Variants in AGAP2 observed in about 807,000 individuals in gnomAD.
AGAP2 encodes arf-GAP with GTPase, ANK repeat and PH domain-containing protein 2.
Under a neutral mutation model 110.9 loss-of-function variants are expected in AGAP2, and 32 were observed. The observed-to-expected ratio is 0.29, with a 90% CI of 0.22 to 0.39. AGAP2 has a LOEUF of 0.39. Ranked by LOEUF, AGAP2 falls within the 10% of genes least tolerant of loss-of-function variation. The probability of loss-of-function intolerance (pLI) is 1.00; values close to 1 mark genes in which losing one functional copy is unlikely to be tolerated. For missense variants in AGAP2, 1,285 were observed against 1,638.5 expected (o/e 0.78, Z 3.72); for synonymous variants, 702 against 713.0 (o/e 0.98, Z 0.25).
chr12:57,730,651 C>T (rs776910269), intron 11 of AGAP2, 37 bp from the exon 12 acceptor site: 24 of 1,607,906 alleles, frequency 1.5e-5, no homozygotes, highest in Non-Finnish European at 3.4e-6. Flanking sequence ...GAGCCTCTTT[C>T]TTCTGGCCCC....
rs1175534694 is a variant in AGAP2, at chr12:57,725,708, CT to C, written c.*843del. ...GAGCACCCCCACCCCAACCCACCCC[CT>C]GCCCACCCTGGGCTTCCCCTACCCC... On this transcript the variant is annotated 3_prime_UTR_variant, in exon 19 of 19. Coordinates refer to ENST00000547588, the MANE Select transcript of AGAP2 (RefSeq NM_001122772.3). 6.7e-6 allele frequency: 1 copy of C among 149,834 alleles called. No homozygotes were observed. Among genetic ancestry groups the C allele is most frequent in the Non-Finnish European group, 1.5e-5 (1 of 67,240 alleles). 9.3% of individuals were successfully genotyped at this position (149,834 alleles called of 1,614,324 possible).
At position 57,738,040 on chromosome 12, in the gene AGAP2, G is replaced by A. The variant is rs1458310358; in HGVS notation, c.207C>T (p.Leu69=). 5 of 1,521,012 alleles carry A rather than the reference G, an allele frequency of 3.3e-6. No individual in the cohort carries two copies. The East Asian group carries it at 1.3e-4, about 39-fold the overall frequency. The allele number at this position is 1,521,012 out of a possible 1,614,324, so 94.2% of individuals were successfully genotyped here. A position where few individuals can be genotyped will look rare whatever the true frequency, so the allele number is the denominator to read the frequency against. The change falls in exon 1 of 19, where the codon CTC becomes CTT. Residue 69 remains leucine (L), a synonymous_variant. Transcript: ENST00000547588. The surrounding 1 kb of genome is among the most constrained non-coding windows in gnomAD (Gnocchi z 6.7). ...TCCACAGCGCATCCTGCCGGTGGAA[G>A]AGACGTTCGTGCCGCTTCTTGCCCG... is the stretch of plus-strand genomic sequence containing the variant. ...EEPGKKRHER[L]FHRQDALWIS...
At chr12:57,733,285 G>C (rs867335530) in intron 5 of AGAP2, among the ~76,000 whole-genome samples, 1 of 152,046 alleles carries the variant, frequency 6.6e-6, no homozygotes, top group Non-Finnish European at 1.5e-5. Flanking sequence ...ACCCAGGCGC[G>C]AGCGACAATC....
At chr12:57,731,082 A>G (rs1595086438) in intron 10 of AGAP2, 129 bp from the exon 11 acceptor site, 2 of 1,005,448 alleles carry the variant, frequency 2.0e-6, no homozygotes, top group South Asian at 3.4e-5. Context: ...TGTGATGAAC[A>G]TCTAGGGGAT....
Position 57,737,090 on chromosome 12 carries a change from C to T in AGAP2, c.1157G>A (p.Arg386His), listed in dbSNP as rs1387355883. 4 of 1,541,992 alleles carry T rather than the reference C, an allele frequency of 2.6e-6. No individual in the cohort carries two copies. The South Asian group carries it at 3.7e-5, about 14-fold the overall frequency. Residue 386 changes from arginine (R) to histidine (H), a missense_variant, in exon 1 of 19, where the codon CGC becomes CAC. Transcript: ENST00000547588. This position sits in a 1 kb window ranked among gnomAD's most constrained non-coding sequence, Gnocchi z 5.9. ...GSRELLGAELRASPKAVINSQ... is the reference protein window; with the variant it reads ...GSRELLGAELHASPKAVINSQ... ...CTGACTCAACTCACTAGGGGAAGCG[C>T]GGAGCTCGGCGCCCAGCAGCTCCCT...
In AGAP2 at chr12:57,727,741, C is replaced by A. The variant is rs1481670236; in HGVS notation, c.2797G>T (p.Ala933Ser). The change falls in exon 16 of 19, where the codon GCC (alanine) becomes TCC (serine). Residue 933 changes from alanine to serine, a missense_variant. By Grantham distance (99) the Ala-to-Ser change is moderately conservative. Transcript: ENST00000547588. ...LRTDSQSEAV[A>S]IQAIRNAKGN... is the part of the protein sequence containing the mutation. The stretch of plus-strand genomic sequence containing the variant: ...TTGGCGTTCCGGATCGCCTGGATGG[C>A]CACGGCCTCGCTTTGGCTGTCTGTG... 1 of 1,589,896 alleles carries A rather than the reference C, an allele frequency of 6.3e-7. No individual in the cohort carries two copies. The highest frequency in any genetic ancestry group is 8.6e-7 in the Non-Finnish European group (1 of 1,167,110).
At position 57,726,387 on chromosome 12, in the gene AGAP2, G is replaced by T; in HGVS notation, c.*165C>A. 1.7e-6 allele frequency: 1 copy of T among 581,446 alleles called. No individual in the cohort carries two copies. Among genetic ancestry groups the T allele is most frequent in the Non-Finnish European group, 2.4e-6 (1 of 422,214 alleles). The allele number at this position is 581,446 out of a possible 1,614,324, so 36.0% of individuals were successfully genotyped here. The stretch of plus-strand genomic sequence containing the variant: ...TCGTTGGGGAGAGGGAGGTGAGTTT[G>T]TGTCTTCTGGAAGGCGTGGGGGCTG... On this transcript the variant is annotated 3_prime_UTR_variant, in exon 19 of 19. Transcript: ENST00000547588. The surrounding 1 kb of genome is among the most constrained non-coding windows in gnomAD (Gnocchi z 5.7).
At chr12:57,724,159 G>C (rs1954727828), downstream of AGAP2, 1 of 152,344 alleles carries the variant, frequency 6.6e-6, no homozygotes, top group Non-Finnish European at 1.5e-5. Context: ...CTAGGACCCT[G>C]TAGAGCCGCA....
rs1201229257 is a variant in AGAP2 at position 57,731,474 on chromosome 12, G to A, written c.2041-4C>T. 1.9e-6 allele frequency: 3 copies of A among 1,614,076 alleles called. No homozygotes were observed. The highest frequency in any genetic ancestry group is 4.5e-5 in the East Asian group (2 of 44,884). ...CACTTCGTTTTAGTAGGAAGCTCTG[G>A]AGAAAGGGGAAAGACACATGTGGGA... On this transcript the variant is annotated splice_region_variant and splice_polypyrimidine_tract_variant and intron_variant, in intron 9 of 18. Transcript: ENST00000547588.
rs184674678 is a variant in AGAP2 at position 57,727,375 on chromosome 12, G to A, written c.3065C>T (p.Ser1022Leu). Residue 1022 changes from serine (S) to leucine (L), a missense_variant, in exon 17 of 19, where the codon TCG becomes TTG. This residue lies in a region of AGAP2 where 201 missense variants were observed against 276.1 expected (regional missense o/e 0.73). Transcript: ENST00000547588. ...ESDTRGRAKP[S>L]RDSSREERES... ...TCACGCTTACCGCGAAGAGTCCCGC[G>A]AGGGCTTGGCACGGCCTCGCGTGTC... 1.7e-5 allele frequency: 27 copies of A among 1,611,258 alleles called. No individual in the cohort carries two copies. In the East Asian group the frequency reaches 6.0e-4, roughly 36 times the overall value.
At position 57,738,366 on chromosome 12, in the gene AGAP2, G is replaced by A; in HGVS notation, c.-120C>T. 8.3e-7 allele frequency: 1 copy of A among 1,204,464 alleles called. No homozygotes were observed. The highest frequency in any genetic ancestry group is 3.0e-5 in the South Asian group (1 of 33,094). 74.6% of individuals were successfully genotyped at this position (1,204,464 alleles called of 1,614,324 possible). ...AGCCCCCGGACCCCGCTGAGCCCCC[G>A]GCCCGGCTCCGCTGTCGCCGCCGCC... On this transcript the variant is annotated 5_prime_UTR_variant, in exon 1 of 19. Coordinates refer to ENST00000547588, the MANE Select transcript of AGAP2 (RefSeq NM_001122772.3). This position sits in a 1 kb window ranked among gnomAD's most constrained non-coding sequence, Gnocchi z 6.7.
rs200168567 is a variant in AGAP2 at position 57,737,353 on chromosome 12, A to G, written c.894T>C (p.Thr298=). The part of the protein sequence containing the change: ...GSPPPLTLPP[T]PSPATAVTAA... ...CGGTGACAGCAGTGGCTGGACTCGG[A>G]GTTGGTGGGAGGGTTAGCGGAGGAG... The change falls in exon 1 of 19, where the codon ACT becomes ACC. Residue 298 remains threonine (T), a synonymous_variant. Coordinates refer to ENST00000547588, the MANE Select transcript of AGAP2 (RefSeq NM_001122772.3). The surrounding 1 kb of genome is among the most constrained non-coding windows in gnomAD (Gnocchi z 5.9). 1.3e-4 allele frequency: 215 copies of G among 1,613,564 alleles called. No individual in the cohort carries two copies. Among genetic ancestry groups the G allele is most frequent in the Admixed American group, 1.8e-4 (11 of 60,026 alleles).
chr12:57,723,892 C>T (rs1954725136), downstream of AGAP2: 1 of 152,128 alleles, frequency 6.6e-6, no homozygotes, highest in Non-Finnish European at 1.5e-5. Context: ...ATTTCCTTCC[C>T]ATATTCTCTC....
At chr12:57,735,227 G>A (rs954505078) in intron 2 of AGAP2, 142 bp downstream of exon 2, 4 of 786,398 alleles carry the variant, frequency 5.1e-6, no homozygotes, top group Admixed American at 4.9e-5. Context: ...GTGCTATGAA[G>A]GCAGACTCTC....
At position 57,733,081 on chromosome 12, in the gene AGAP2, TGGGGATG is replaced by T; in HGVS notation, c.1550-109_1550-103del. On this transcript the variant is annotated intron_variant, in intron 5 of 18. Coordinates refer to ENST00000547588, the MANE Select transcript of AGAP2 (RefSeq NM_001122772.3). The stretch of plus-strand genomic sequence containing the variant: ...CACTGGGCCCTCAGGCTGGGTCCAC[TGGGGATG>T]GGGTGTGAGAGATCATCTTTTCTGT... 4 of 1,454,890 alleles carry T rather than the reference TGGGGATG, an allele frequency of 2.7e-6. No homozygotes were observed. In the South Asian group the frequency reaches 3.6e-5, roughly 13 times the overall value. The allele number at this position is 1,454,890 out of a possible 1,614,324, so 90.1% of individuals were successfully genotyped here. A position where few individuals can be genotyped will look rare whatever the true frequency, so the allele number is the denominator to read the frequency against.
chr12:57,739,010 C>T (rs1241364106), upstream of AGAP2, among the ~76,000 whole-genome samples: 7 of 149,268 alleles, frequency 4.7e-5, no homozygotes, highest in Non-Finnish European at 1.0e-4. Flanking sequence ...CTCCCCCCCA[C>T]CTTTTCTCCA....
In AGAP2 at chr12:57,737,706, C is replaced by T; in HGVS notation, c.541G>A (p.Ala181Thr). ...PGTGSRRLKV[A>T]PPPPAPKPCK... ...GGCTTGGGAGCCGGCGGAGGAGGCG[C>T]CACCTTGAGCCTCCGGCTGCCGGTG... Residue 181 changes from alanine to threonine, a missense_variant, in exon 1 of 19, where the codon GCG (alanine) becomes ACG (threonine). Physicochemically the swap from Ala to Thr is moderately conservative, Grantham distance 58. Coordinates refer to ENST00000547588, the MANE Select transcript of AGAP2 (RefSeq NM_001122772.3). The surrounding 1 kb of genome is among the most constrained non-coding windows in gnomAD (Gnocchi z 5.9). The T allele has an allele frequency of 3.2e-6, 5 of 1,549,204 alleles. No individual in the cohort carries two copies. Among genetic ancestry groups the T allele is most frequent in the Non-Finnish European group, 8.7e-7 (1 of 1,150,688 alleles).
In AGAP2 at chr12:57,731,595, T is replaced by A; in HGVS notation, c.2001A>T (p.Gly667=). 2 of 1,613,270 alleles carry A rather than the reference T, an allele frequency of 1.2e-6. No homozygotes were observed. The highest frequency in any genetic ancestry group is 1.7e-6 in the Non-Finnish European group (2 of 1,179,764). ...DSEKRSLDSR[G]ETTGSGRAIP... is the part of the protein sequence containing the mutation. The stretch of plus-strand genomic sequence containing the variant: ...TGGCTCGCCCACTCCCTGTTGTCTC[T>A]CCCCGACTATCCAAGCTTCGTTTCT... Residue 667 remains glycine (G), a synonymous_variant, in exon 9 of 19, where the codon GGA becomes GGT. Coordinates refer to ENST00000547588, the MANE Select transcript of AGAP2 (RefSeq NM_001122772.3).
rs1955027646 is a variant in AGAP2, at chr12:57,738,178, C to T, written c.69G>A (p.Lys23=). 1 of 1,525,456 alleles carries T rather than the reference C, an allele frequency of 6.6e-7. No homozygotes were observed. The highest frequency in any genetic ancestry group is 1.4e-5 in the African/African-American group (1 of 71,174). The allele number at this position is 1,525,456 out of a possible 1,614,324, so 94.5% of individuals were successfully genotyped here. A position where few individuals can be genotyped will look rare whatever the true frequency, so the allele number is the denominator to read the frequency against. Residue 23 remains lysine, a synonymous_variant, in exon 1 of 19, where the codon AAG becomes AAA. Transcript: ENST00000547588. This position sits in a 1 kb window ranked among gnomAD's most constrained non-coding sequence, Gnocchi z 6.7. Reference sequence around the variant, plus strand: ...GCGGCGGCGGAGGCACCGACTCGAGCTTAACCAGGGTCAGCGAGATGAGGT... The same window carrying T: ...GCGGCGGCGGAGGCACCGACTCGAGTTTAACCAGGGTCAGCGAGATGAGGT... The part of the protein sequence containing the change: ...TTYLISLTLV[K]LESVPPPPPS...
Sources: gnomAD v4.1 joint callset for allele counts (sites outside exome capture counted in the v4.1 genomes callset) on GRCh38, gnomAD v4.1.1 for gene constraint, gnomAD v4.1.1 regional missense constraint, Gnocchi (gnomAD v3.1) non-coding constraint, MANE v1.5 for transcripts, NCBI Gene and HGNC (gene_info 2026-07-23, HGNC 2026-07-21) for gene names.